Variants in KCTD16 observed in about 807,000 individuals in gnomAD.
KCTD16 encodes potassium channel tetramerization domain containing 16.
In KCTD16, 13 loss-of-function variants were observed where a neutral mutation model predicts 33.2. That is an observed-to-expected ratio of 0.39 (90% CI 0.25 to 0.62). The LOEUF is 0.62. KCTD16 is among the 20% of genes least tolerant of loss of function. KCTD16 has a pLI of 0.50. For missense variants in KCTD16, 441 were observed against 525.1 expected (o/e 0.84, Z 1.57); for synonymous variants, 197 against 195.3 (o/e 1.01, Z -0.07).
chr5:144,237,531 C>T (rs968942785), intron 3 of KCTD16, among the ~76,000 whole-genome samples: 3 of 152,034 alleles, frequency 2.0e-5, no homozygotes, highest in Admixed American at 1.3e-4. Flanking sequence ...TCTTATTTCT[C>T]ATGGTTTTTT....
At chr5:144,319,141 C>A (rs1055247374) in intron 3 of KCTD16, among the ~76,000 whole-genome samples, 1 of 151,868 alleles carries the variant, frequency 6.6e-6, no homozygotes, top group Admixed American at 6.6e-5. Context: ...TTAATAATAA[C>A]TAAATTTTGT....
At chr5:144,365,630 T>A (rs1252808881) in intron 3 of KCTD16, among the ~76,000 whole-genome samples, 3 of 152,182 alleles carry the variant, frequency 2.0e-5, no homozygotes, top group African/African-American at 7.2e-5. Flanking sequence ...GAAATCCTTG[T>A]GTTTCAGGTA....
At position 144,479,836 on chromosome 5, in the gene KCTD16, A is replaced by G. The variant is rs1322966418; in HGVS notation, c.*5722A>G. On this transcript the variant is annotated 3_prime_UTR_variant, in exon 4 of 4. Coordinates refer to ENST00000512467, the MANE Select transcript of KCTD16 (RefSeq NM_020768.4). ...AAATTTACTTTTAAAAGGATAAAGA[A>G]AAATGTGCCTGGCCTAGCAACTATC... 3 of 151,974 alleles carry G rather than the reference A, an allele frequency of 2.0e-5. No individual in the cohort carries two copies. Among genetic ancestry groups the G allele is most frequent in the Non-Finnish European group, 4.4e-5 (3 of 67,942 alleles). 9.4% of individuals were successfully genotyped at this position (151,974 alleles called of 1,614,324 possible).
chr5:144,449,242 G>A (rs1015402776), intron 3 of KCTD16, among the ~76,000 whole-genome samples: 15 of 151,892 alleles, frequency 9.9e-5, no homozygotes, highest in Non-Finnish European at 1.8e-4. Flanking sequence ...AAAACGTAAT[G>A]AAATAAATTA....
Position 144,473,890 on chromosome 5 carries a change from C to A in KCTD16, c.1063C>A (p.Gln355Lys). 6.2e-7 allele frequency: 1 copy of A among 1,614,050 alleles called. No homozygotes were observed. The highest frequency in any genetic ancestry group is 8.5e-7 in the Non-Finnish European group (1 of 1,179,996). ...PIKKGPVQLI[Q>K]QSEMRRKSDL... ...CAAGAAGGGCCCTGTCCAGCTGATCCAACAGTCAGAGATGCGGCGGAAAAG... is the reference window on the plus strand; with the variant it reads ...CAAGAAGGGCCCTGTCCAGCTGATCAAACAGTCAGAGATGCGGCGGAAAAG... Residue 355 changes from glutamine to lysine, a missense_variant, in exon 4 of 4, where the codon CAA becomes AAA. Transcript: ENST00000512467.
intron 3 of KCTD16, among the ~76,000 whole-genome samples, chr5:144,320,282 A>G (rs560650805): frequency 6.4e-4 from 97 of 152,304 alleles, no homozygotes; most frequent in African/African-American, 2.3e-3. Flanking sequence ...GGAAAAAGGT[A>G]TTTGGAAGAA....
intron 3 of KCTD16, among the ~76,000 whole-genome samples, chr5:144,250,318 A>G (rs748318731): frequency 4.3e-4 from 65 of 152,318 alleles, no homozygotes; most frequent in South Asian, 8.3e-4. Flanking sequence ...TCTTTCTGCA[A>G]TCATCTGCTG....
At chr5:144,320,505 A>G (rs1752042725) in intron 3 of KCTD16, among the ~76,000 whole-genome samples, 1 of 152,148 alleles carries the variant, frequency 6.6e-6, no homozygotes, top group African/African-American at 2.4e-5. Flanking sequence ...TAATTGCTAC[A>G]TATTTATTTT....
intron 3 of KCTD16, among the ~76,000 whole-genome samples, chr5:144,288,116 A>T (rs189489609): frequency 1.5e-3 from 224 of 152,250 alleles, no homozygotes; most frequent in African/African-American, 5.1e-3. Flanking sequence ...GGGCTTCAAA[A>T]TTTACAGTTT....
At chr5:144,399,509 A>G (rs937668039) in intron 3 of KCTD16, among the ~76,000 whole-genome samples, 4 of 152,144 alleles carry the variant, frequency 2.6e-5, no homozygotes, top group Non-Finnish European at 4.4e-5. Context: ...CGCCATATGA[A>G]TTACAAGTAC....
At chr5:144,205,198 G>A in intron 2 of KCTD16, 1 of 229,020 alleles carries the variant, frequency 4.4e-6, no homozygotes, top group Non-Finnish European at 8.4e-6. Context: ...CTGCGTCCCC[G>A]CCCCAAGCCC....
At chr5:144,315,281 A>C (rs1008109345) in intron 3 of KCTD16, among the ~76,000 whole-genome samples, 1 of 152,126 alleles carries the variant, frequency 6.6e-6, no homozygotes, top group African/African-American at 2.4e-5. Context: ...TCCCTGAACA[A>C]TCCAACGGTG....
rs1396754041 is a variant in KCTD16, at chr5:144,444,788, C to T, written c.833-28872C>T. 2.6e-5 allele frequency among the ~76,000 whole-genome samples: 4 copies of T among 151,052 alleles called. No homozygotes were observed. In the East Asian group the frequency reaches 5.8e-4, roughly 22 times the overall value. On this transcript the variant is annotated intron_variant, in intron 3 of 3. Transcript: ENST00000512467. ...AATTTTACTAGAAATATATTGTTGT[C>T]GTCTATTCCAGATTGATATTCTGAT...
At chr5:144,319,031 T>A (rs538250097) in intron 3 of KCTD16, among the ~76,000 whole-genome samples, 1 of 152,194 alleles carries the variant, frequency 6.6e-6, no homozygotes, top group East Asian at 1.9e-4. Flanking sequence ...AATATTCAAA[T>A]AACTAATGCA....
At chr5:144,263,857 G>T (rs1227612942) in intron 3 of KCTD16, among the ~76,000 whole-genome samples, 1 of 152,228 alleles carries the variant, frequency 6.6e-6, no homozygotes, top group Non-Finnish European at 1.5e-5. Flanking sequence ...ATTGATGAAG[G>T]TTCTCATCCT....
At chr5:144,401,247 C>T (rs1461098334) in intron 3 of KCTD16, among the ~76,000 whole-genome samples, 1 of 151,970 alleles carries the variant, frequency 6.6e-6, no homozygotes, top group Non-Finnish European at 1.5e-5. Flanking sequence ...ATTACAGCAC[C>T]AATCATATGA....
chr5:144,233,772 G>A (rs187496335), intron 3 of KCTD16, among the ~76,000 whole-genome samples: 163 of 152,250 alleles, frequency 1.1e-3, no homozygotes, highest in African/African-American at 3.7e-3. Context: ...AGCAAGATAA[G>A]GCAGAGTTGC....
chr5:144,374,449 T>A (rs139567767), intron 3 of KCTD16, among the ~76,000 whole-genome samples: 1 of 152,268 alleles, frequency 6.6e-6, no homozygotes, highest in Non-Finnish European at 1.5e-5. Flanking sequence ...ATATTTGAAA[T>A]GACAGAAAGA....
chr5:144,463,141 A>C (rs953930644), intron 3 of KCTD16, among the ~76,000 whole-genome samples: 4 of 152,164 alleles, frequency 2.6e-5, no homozygotes, highest in African/African-American at 9.7e-5. Flanking sequence ...CTTGTGCATC[A>C]GTGGTGTTTT....
Sources: gnomAD v4.1 joint callset for allele counts (sites outside exome capture counted in the v4.1 genomes callset) on GRCh38, gnomAD v4.1.1 for gene constraint, MANE v1.5 for transcripts, NCBI Gene and HGNC (gene_info 2026-07-23, HGNC 2026-07-21) for gene names.